The following EBF1 variants were observed in gnomAD, a reference collection of about 807,000 sequenced individuals.
EBF1 encodes the protein transcription factor COE1.
Under a neutral mutation model 68.4 loss-of-function variants are expected in EBF1, and 10 were observed. That is an observed-to-expected ratio of 0.15 (90% CI 0.09 to 0.25). EBF1 has a LOEUF of 0.25. Ranked by LOEUF, EBF1 falls within the 10% of genes least tolerant of loss-of-function variation. The pLI, the probability that EBF1 is intolerant of heterozygous loss-of-function variation, is 1.00. For synonymous variants in EBF1, 298 were observed against 299.8 expected (o/e 0.99, Z 0.06); for missense variants, 509 against 794.4 (o/e 0.64, Z 4.32).
Position 158,721,622 on chromosome 5 carries a change from A to T in EBF1, c.1126-7440T>A, listed in dbSNP as rs529320883. 1.8e-4 allele frequency among the ~76,000 whole-genome samples: 27 copies of T among 152,250 alleles called. No individual in the cohort carries two copies. The East Asian group carries it at 2.7e-3, about 15-fold the overall frequency. ...CCAGGTAATTTTTATCTGGTGCCTC[A>T]ATTACTGTCCCGTAAGCAATAATAT... On this transcript the variant is annotated intron_variant, in intron 11 of 15. Coordinates refer to ENST00000313708, the MANE Select transcript of EBF1 (RefSeq NM_024007.5).
chr5:158,997,617 C>T (rs185495522), intron 6 of EBF1, among the ~76,000 whole-genome samples: 7 of 152,148 alleles, frequency 4.6e-5, no homozygotes, highest in African/African-American at 1.7e-4. Context: ...TGAATCCATT[C>T]CTGATTTTCA....
intron 10 of EBF1, among the ~76,000 whole-genome samples, chr5:158,731,415 C>T (rs2127545830): frequency 6.6e-6 from 1 of 152,272 alleles, no homozygotes; most frequent in South Asian, 2.1e-4. Context: ...ATTCTACACT[C>T]CTTACATGAT....
chr5:158,792,012 G>A (rs906558197), intron 9 of EBF1, among the ~76,000 whole-genome samples: 2 of 152,076 alleles, frequency 1.3e-5, no homozygotes, highest in Non-Finnish European at 2.9e-5. Flanking sequence ...CCAGAAGCAG[G>A]AGCCCCTCCC....
chr5:159,003,885 A>G (rs1763049254), intron 6 of EBF1, among the ~76,000 whole-genome samples: 1 of 152,194 alleles, frequency 6.6e-6, no homozygotes, highest in Admixed American at 6.5e-5. Context: ...CAGGGTTCTC[A>G]CCCAGCCCTG....
In EBF1 at chr5:158,696,897, GTTT is replaced by G. The variant is rs1273982927; in HGVS notation, c.*2211_*2213del. The G allele has an allele frequency of 1.8e-5, 3 of 169,736 alleles. No individual in the cohort carries two copies. The highest frequency in any genetic ancestry group is 6.7e-5 in the Admixed American group (1 of 14,820). The allele number at this position is 169,736 out of a possible 1,614,324, so 10.5% of individuals were successfully genotyped here. A position where few individuals can be genotyped will look rare whatever the true frequency, so the allele number is the denominator to read the frequency against. On this transcript the variant is annotated 3_prime_UTR_variant, in exon 16 of 16. Coordinates refer to ENST00000313708, the MANE Select transcript of EBF1 (RefSeq NM_024007.5). The stretch of plus-strand genomic sequence containing the variant: ...TTCTTTTGTGCTTTTCGATTTCTTT[GTTT>G]TTTTTTTTTTCTTTTTTTCTTTTTC...
At chr5:158,777,377 G>A (rs184394076) in intron 10 of EBF1, 36 bp downstream of exon 10, 185 of 1,563,692 alleles carry the variant, frequency 1.2e-4, no homozygotes, top group Admixed American at 9.0e-4. Flanking sequence ...ACAAGACCAC[G>A]GCAGTTCTGT....
intron 11 of EBF1, among the ~76,000 whole-genome samples, chr5:158,716,550 A>G (rs1346182216): frequency 6.6e-6 from 1 of 152,118 alleles, no homozygotes; most frequent in Non-Finnish European, 1.5e-5. Context: ...AATATCCTTC[A>G]CTGTAGTATC....
In EBF1 at chr5:158,702,016, T is replaced by A. The variant is rs529774180; in HGVS notation, c.1745-2874A>T. ...TTCTGGAACATTCTAAGGCCCATGTTGCCTACACCCAGAATTTTGCATGTA... is the reference window on the plus strand; with the variant it reads ...TTCTGGAACATTCTAAGGCCCATGTAGCCTACACCCAGAATTTTGCATGTA... On this transcript the variant is annotated intron_variant, in intron 15 of 15. Transcript: ENST00000313708. 1.3e-4 allele frequency among the ~76,000 whole-genome samples: 20 copies of A among 152,310 alleles called. No individual in the cohort carries two copies. In the South Asian group the frequency reaches 3.3e-3, roughly 25 times the overall value.
chr5:158,717,996 G>A (rs1354310397), intron 11 of EBF1, among the ~76,000 whole-genome samples: 3 of 152,142 alleles, frequency 2.0e-5, no homozygotes, highest in African/African-American at 7.2e-5. Flanking sequence ...GACCGAAGGA[G>A]GAATGGGGTT....
intron 6 of EBF1, among the ~76,000 whole-genome samples, chr5:159,022,012 A>G (rs1479147349): frequency 1.4e-5 from 2 of 143,240 alleles, no homozygotes; most frequent in Non-Finnish European, 3.0e-5. Flanking sequence ...TCTTCAGTTA[A>G]CTTCTTAAGG....
intron 10 of EBF1, among the ~76,000 whole-genome samples, chr5:158,746,810 G>C (rs895083678): frequency 6.6e-6 from 1 of 152,180 alleles, no homozygotes; most frequent in Non-Finnish European, 1.5e-5. Context: ...TTTTCAGAGG[G>C]CTGGGACATA....
intron 10 of EBF1, among the ~76,000 whole-genome samples, chr5:158,776,635 C>T (rs1033808954): frequency 1.3e-5 from 2 of 152,136 alleles, no homozygotes; most frequent in African/African-American, 2.4e-5. Flanking sequence ...GGCCCAGAAC[C>T]GCACTCCACC....
chr5:158,816,572 G>A (rs1783783806), intron 8 of EBF1, among the ~76,000 whole-genome samples: 1 of 152,184 alleles, frequency 6.6e-6, no homozygotes, highest in Non-Finnish European at 1.5e-5. Context: ...GGAGGGGAGA[G>A]AGAAATTTGG....
At chr5:159,033,749 G>A (rs1263408649) in intron 6 of EBF1, among the ~76,000 whole-genome samples, 1 of 152,136 alleles carries the variant, frequency 6.6e-6, no homozygotes, top group Non-Finnish European at 1.5e-5. Context: ...ATGCCCTACA[G>A]ATAAAATTCC....
intron 6 of EBF1, among the ~76,000 whole-genome samples, chr5:158,948,141 T>A (rs921741740): frequency 2.0e-5 from 3 of 151,970 alleles, no homozygotes; most frequent in Admixed American, 6.5e-5. Context: ...GGGTGGAGGG[T>A]ACGGGTGGGT....
intron 6 of EBF1, among the ~76,000 whole-genome samples, chr5:158,873,843 G>T (rs753531167): frequency 6.6e-5 from 10 of 152,170 alleles, no homozygotes; most frequent in Admixed American, 6.5e-5. Flanking sequence ...CCACTTAAAA[G>T]CATCCAGCAG....
chr5:158,905,430 G>A (rs1470938168), intron 6 of EBF1, among the ~76,000 whole-genome samples: 1 of 152,158 alleles, frequency 6.6e-6, no homozygotes, highest in African/African-American at 2.4e-5. Context: ...CTCAAGTCTG[G>A]ACAGTGGCAT....
chr5:159,038,879 G>A (rs1770627809), intron 6 of EBF1, among the ~76,000 whole-genome samples: 1 of 152,068 alleles, frequency 6.6e-6, no homozygotes, highest in Non-Finnish European at 1.5e-5. Flanking sequence ...GTAGGATCTC[G>A]GACAAGTAGC....
chr5:158,732,861 AT>A (rs1281322724), intron 10 of EBF1, among the ~76,000 whole-genome samples: 1 of 152,144 alleles, frequency 6.6e-6, no homozygotes, highest in Non-Finnish European at 1.5e-5. Flanking sequence ...CAAATATGAG[AT>A]TTAGTTAACC....
Sources: allele counts gnomAD v4.1 joint callset (sites outside exome capture counted in the v4.1 genomes callset), GRCh38; gene constraint gnomAD v4.1.1; transcripts MANE v1.5; gene names NCBI Gene and HGNC (gene_info 2026-07-23, HGNC 2026-07-21).